ERBB4: variants seen among roughly 807,000 people sequenced by gnomAD.
ERBB4 encodes the protein receptor tyrosine-protein kinase erbB-4.
In ERBB4, 42 loss-of-function variants were observed where a neutral mutation model predicts 158.0. The observed-to-expected ratio is 0.27, with a 90% CI of 0.21 to 0.34. ERBB4 has a LOEUF of 0.34. Ranked by LOEUF, ERBB4 falls within the 10% of genes least tolerant of loss-of-function variation. The pLI, the probability that ERBB4 is intolerant of heterozygous loss-of-function variation, is 1.00. For synonymous variants in ERBB4, 583 were observed against 558.7 expected, an observed-to-expected ratio of 1.04 and a Z score of -0.61; for missense variants, 1,333 against 1,624.1, an observed-to-expected ratio of 0.82 and a Z score of 3.08.
chr2:211,607,888 T>TTTTTTTTTTTTTTTTTTTTTTTC, intron 19 of ERBB4, among the ~76,000 whole-genome samples: 2 of 118,864 alleles, frequency 1.7e-5, no homozygotes, highest in Non-Finnish European at 3.5e-5. Context: ...TTTTTTTTTT[T>TTTTTTTTTTTTTTTTTTTTTTTC]AGACAGGGTC....
At chr2:212,073,408 G>C (rs931105449) in intron 2 of ERBB4, among the ~76,000 whole-genome samples, 1 of 151,914 alleles carries the variant, frequency 6.6e-6, no homozygotes, top group Non-Finnish European at 1.5e-5. Flanking sequence ...ATTGGTGAAA[G>C]TTAATTGTAT....
intron 20 of ERBB4, among the ~76,000 whole-genome samples, chr2:211,532,558 A>T (rs1255499063): frequency 6.6e-6 from 1 of 152,062 alleles, no homozygotes; most frequent in East Asian, 1.9e-4. Context: ...GCTATGTTAA[A>T]CATTCGGTCC....
chr2:211,834,287 T>C (rs1273269440), intron 3 of ERBB4, among the ~76,000 whole-genome samples: 2 of 152,104 alleles, frequency 1.3e-5, no homozygotes, highest in African/African-American at 4.8e-5. Flanking sequence ...AGGAGAATTC[T>C]AGTCCCCTGG....
intron 1 of ERBB4, among the ~76,000 whole-genome samples, chr2:212,192,145 T>TTA (rs972277092): frequency 8.7e-6 from 1 of 115,208 alleles, no homozygotes. Flanking sequence ...TATCTATATG[T>TTA]TATATATATT....
intron 19 of ERBB4, among the ~76,000 whole-genome samples, chr2:211,600,130 C>A (rs1333003367): frequency 6.6e-6 from 1 of 152,156 alleles, no homozygotes; most frequent in Admixed American, 6.5e-5. Context: ...CTTATTCTTT[C>A]ATTTTACCTT....
chr2:212,258,142 C>T (rs945496802), intron 1 of ERBB4, among the ~76,000 whole-genome samples: 14 of 152,038 alleles, frequency 9.2e-5, no homozygotes, highest in Admixed American at 7.9e-4. Context: ...TTATAATTCC[C>T]TATTTTTAGT....
intron 5 of ERBB4, among the ~76,000 whole-genome samples, chr2:211,742,892 T>A (rs1300232724): frequency 6.6e-6 from 1 of 152,018 alleles, no homozygotes; most frequent in African/African-American, 2.4e-5. Flanking sequence ...AAAAAGATTT[T>A]GAGATAACCT....
At chr2:212,177,994 T>C (rs2081731008) in intron 1 of ERBB4, among the ~76,000 whole-genome samples, 1 of 151,194 alleles carries the variant, frequency 6.6e-6, no homozygotes. Context: ...GGAAGAGGGT[T>C]GTTCATGGAG....
intron 20 of ERBB4, among the ~76,000 whole-genome samples, chr2:211,560,164 T>A (rs1427746815): frequency 6.7e-6 from 1 of 150,236 alleles, no homozygotes; most frequent in Non-Finnish European, 1.5e-5. Flanking sequence ...TACAATGTCA[T>A]ATAAATGATA....
chr2:212,232,687 C>A (rs1405580664), intron 1 of ERBB4, among the ~76,000 whole-genome samples: 2 of 152,088 alleles, frequency 1.3e-5, no homozygotes, highest in Admixed American at 1.3e-4. Flanking sequence ...GGATTACAGG[C>A]GTGAGCCACC....
At chr2:211,857,159 TTGTGTGTG>T (rs144521308) in intron 3 of ERBB4, among the ~76,000 whole-genome samples, 1 of 107,078 alleles carries the variant, frequency 9.3e-6, no homozygotes, top group African/African-American at 3.1e-5. Context: ...CTGTGTGTGT[TTGTGTGTG>T]TGTGTGTGTT....
intron 20 of ERBB4, among the ~76,000 whole-genome samples, chr2:211,467,040 C>T (rs568224644): frequency 5.9e-5 from 9 of 152,198 alleles, no homozygotes; most frequent in African/African-American, 2.2e-4. Flanking sequence ...GGATATGCCA[C>T]AGACTGACCT....
At position 212,263,067 on chromosome 2, in the gene ERBB4, C is replaced by T. The variant is rs1320289445; in HGVS notation, c.83-138164G>A. On this transcript the variant is annotated intron_variant, in intron 1 of 27. Coordinates refer to ENST00000342788, the MANE Select transcript of ERBB4 (RefSeq NM_005235.3). Reference sequence around the variant, plus strand: ...GCCCTAAATCTTTTGAAATATCTTACAAGAAAGAAAAAAGGAGAAGATAAG... The same window carrying T: ...GCCCTAAATCTTTTGAAATATCTTATAAGAAAGAAAAAAGGAGAAGATAAG... Among the ~76,000 whole-genome samples, 4 of 151,926 alleles carry T rather than the reference C, an allele frequency of 2.6e-5. No individual in the cohort carries two copies. The East Asian group carries it at 7.8e-4, about 29-fold the overall frequency.
At chr2:212,126,201 C>T (rs1249901727) in intron 1 of ERBB4, among the ~76,000 whole-genome samples, 2 of 152,036 alleles carry the variant, frequency 1.3e-5, no homozygotes, top group Non-Finnish European at 2.9e-5. Context: ...TGGTGGCTCA[C>T]ACCTGTTATC....
At chr2:212,468,974 T>A (rs1172869171) in intron 1 of ERBB4, among the ~76,000 whole-genome samples, 1 of 152,222 alleles carries the variant, frequency 6.6e-6, no homozygotes, top group African/African-American at 2.4e-5. Flanking sequence ...TAGGCCATTG[T>A]TGATTTGTAG....
intron 3 of ERBB4, among the ~76,000 whole-genome samples, chr2:211,859,560 A>C (rs59950044): frequency 0.21 from 32,271 of 152,094 alleles, 3,578 homozygotes; most frequent in South Asian, 0.33. Context: ...CCTAAAAGTT[A>C]ATTTTAAGTT....
intron 16 of ERBB4, among the ~76,000 whole-genome samples, chr2:211,645,975 G>A (rs942903416): frequency 6.6e-6 from 1 of 151,528 alleles, no homozygotes; most frequent in African/African-American, 2.4e-5. Context: ...AGGCAAAAAC[G>A]TAGGAATAGC....
intron 5 of ERBB4, among the ~76,000 whole-genome samples, chr2:211,746,867 A>G (rs1478044451): frequency 6.6e-6 from 1 of 151,562 alleles, no homozygotes; most frequent in Non-Finnish European, 1.5e-5. Flanking sequence ...CAAATATACT[A>G]GAAGAACATC....
intron 3 of ERBB4, among the ~76,000 whole-genome samples, chr2:211,883,104 A>T (rs1006897134): frequency 1.3e-5 from 2 of 152,236 alleles, no homozygotes; most frequent in Non-Finnish European, 2.9e-5. Context: ...ATACCATGGA[A>T]TACTATGCAG....
Sources: gnomAD v4.1 joint callset for allele counts (sites outside exome capture counted in the v4.1 genomes callset) on GRCh38, gnomAD v4.1.1 for gene constraint, MANE v1.5 for transcripts, NCBI Gene and HGNC (gene_info 2026-07-23, HGNC 2026-07-21) for gene names.